Variants in METTL21A observed in about 807,000 individuals in gnomAD.
METTL21A encodes the protein methyltransferase 21A, HSPA lysine.
A neutral mutation model predicts 20.9 loss-of-function variants in METTL21A; 22 were observed. The ratio of observed to expected loss-of-function variants is 1.05; its 90% CI spans 0.75 to 1.50. METTL21A has a LOEUF of 1.50. Among genes scored for constraint, METTL21A ranks in the 40% most tolerant of loss-of-function variants. METTL21A has a pLI of 0.00. For missense variants in METTL21A, 271 were observed against 266.8 expected (o/e 1.02, Z -0.11); for synonymous variants, 93 against 102.0 (o/e 0.91, Z 0.53).
At chr2:207,622,409 G>A (rs751111753) in intron 2 of METTL21A, among the ~76,000 whole-genome samples, 26 of 152,146 alleles carry the variant, frequency 1.7e-4, no homozygotes, top group African/African-American at 5.5e-4. Flanking sequence ...GAGCTCCTGC[G>A]TCAGCTTCCC....
At chr2:207,592,451 T>A (rs1374493316) in intron 3 of METTL21A, among the ~76,000 whole-genome samples, 1 of 151,688 alleles carries the variant, frequency 6.6e-6, no homozygotes, top group Non-Finnish European at 1.5e-5. Flanking sequence ...TTTAAATGGT[T>A]TCTGACAAGA....
chr2:207,588,889 C>G (rs2084418980), intron 3 of METTL21A, among the ~76,000 whole-genome samples: 2 of 142,298 alleles, frequency 1.4e-5, no homozygotes, highest in African/African-American at 2.6e-5. Flanking sequence ...GGAGCTTTGT[C>G]GGGGGGGGTG....
rs1250974563 is a variant in METTL21A at position 207,596,840 on chromosome 2, A to G, written c.260-14680T>C. On this transcript the variant is annotated intron_variant, in intron 3 of 3. Coordinates refer to the METTL21A transcript ENST00000425132. ...GCTGTGAGCTATTTCTTTAAAAAAG[A>G]AAAAAAAAAGGTAATCCAAAATAAA... 7 of 1,332,310 alleles carry G rather than the reference A, an allele frequency of 5.3e-6. No individual in the cohort carries two copies. The African/African-American group carries it at 5.7e-5, about 11-fold the overall frequency. The allele number at this position is 1,332,310 out of a possible 1,614,324, so 82.5% of individuals were successfully genotyped here. A position where few individuals can be genotyped will look rare whatever the true frequency, so the allele number is the denominator to read the frequency against.
At chr2:207,583,770 T>G (rs1462040455) in intron 3 of METTL21A, among the ~76,000 whole-genome samples, 1 of 152,234 alleles carries the variant, frequency 6.6e-6, no homozygotes, top group Non-Finnish European at 1.5e-5. Context: ...CAATGCCATA[T>G]GGAACAATTA....
At chr2:207,587,657 G>C (rs1318440753) in intron 3 of METTL21A, among the ~76,000 whole-genome samples, 1 of 152,186 alleles carries the variant, frequency 6.6e-6, no homozygotes, top group Non-Finnish European at 1.5e-5. Flanking sequence ...GGATGAACTT[G>C]GGGGACATTA....
chr2:207,613,227 A>G (rs766450035), exon 4 of METTL21A: 15 of 1,613,596 alleles, frequency 9.3e-6, no homozygotes, highest in Non-Finnish European at 1.3e-5. Flanking sequence ...GAGATGTTCC[A>G]GTGTCTGAAG....
chr2:207,592,703 G>A (rs1436634133), intron 3 of METTL21A, among the ~76,000 whole-genome samples: 2 of 151,362 alleles, frequency 1.3e-5, no homozygotes, highest in Non-Finnish European at 3.0e-5. Context: ...GGCGGATCAC[G>A]AGGTCAGGAG....
At chr2:207,580,818 C>T (rs888196067), downstream of METTL21A, 3 of 222,528 alleles carry the variant, frequency 1.3e-5, no homozygotes, top group African/African-American at 4.5e-5. Context: ...TGTGGCTCTC[C>T]TTCATGTGCC....
At chr2:207,625,569 C>G (rs1332608064), upstream of METTL21A, 1 of 152,362 alleles carries the variant, frequency 6.6e-6, no homozygotes, top group Non-Finnish European at 1.5e-5. Flanking sequence ...GAGGGAGGCG[C>G]TGTGGGGGCG....
intron 1 of METTL21A, 143 bp from the exon 2 acceptor site, chr2:207,624,547 T>C: frequency 1.5e-6 from 1 of 657,532 alleles, no homozygotes; most frequent in Non-Finnish European, 2.4e-6. Context: ...CCAATTTCTT[T>C]TGCATGGCTC....
At chr2:207,597,466 G>T (rs1191923773) in intron 3 of METTL21A, 1 of 229,052 alleles carries the variant, frequency 4.4e-6, no homozygotes, top group Non-Finnish European at 8.6e-6. Context: ...GAAGTAATGT[G>T]TGGGCCGCAT....
At position 207,616,538 on chromosome 2, in the gene METTL21A, C is replaced by T. The variant is rs375073040; in HGVS notation, c.260-3095G>A. On this transcript the variant is annotated intron_variant, in intron 3 of 3. Transcript: ENST00000406927. The stretch of plus-strand genomic sequence containing the variant: ...TTCAAGTGAGAGATAGGCAGTAAGA[C>T]GTTTTTTAAAAAAACAGAATATCCG... Among the ~76,000 whole-genome samples, 43 of 152,280 alleles carry T rather than the reference C, an allele frequency of 2.8e-4. 1 individual carries two copies. Among genetic ancestry groups the T allele is most frequent in the African/African-American group, 8.4e-4 (35 of 41,564 alleles).
chr2:207,584,289 T>C (rs2083426468), intron 3 of METTL21A, among the ~76,000 whole-genome samples: 1 of 152,056 alleles, frequency 6.6e-6, no homozygotes, highest in African/African-American at 2.4e-5. Context: ...TGTATGAGAG[T>C]TCAGTTGCTT....
chr2:207,589,930 T>C (rs888778520), intron 3 of METTL21A, among the ~76,000 whole-genome samples: 3 of 152,270 alleles, frequency 2.0e-5, no homozygotes, highest in Non-Finnish European at 4.4e-5. Context: ...AGTTTGTTAT[T>C]AGGGTAATGC....
intron 3 of METTL21A, among the ~76,000 whole-genome samples, chr2:207,595,711 T>C (rs535737740): frequency 6.6e-6 from 1 of 152,186 alleles, no homozygotes; most frequent in South Asian, 2.1e-4. Flanking sequence ...ACTACAGGCA[T>C]GTGCCACCAC....
chr2:207,590,895 T>C (rs1041065474), intron 3 of METTL21A, among the ~76,000 whole-genome samples: 1 of 152,224 alleles, frequency 6.6e-6, no homozygotes, highest in Non-Finnish European at 1.5e-5. Flanking sequence ...TTGGTTTAGC[T>C]GTGTCCCACA....
rs924734921 is a variant in METTL21A at position 207,582,207 on chromosome 2, A to G, written c.260-47T>C. 19 of 702,774 alleles carry G rather than the reference A, an allele frequency of 2.7e-5. No individual in the cohort carries two copies. The Admixed American group carries it at 3.0e-4, about 11-fold the overall frequency. 43.5% of individuals were successfully genotyped at this position (702,774 alleles called of 1,614,324 possible). ...AAATTTGTGGTCATATGTTAAAACC[A>G]CCACAGTAATTAGGTGTATTTTAGA... On this transcript the variant is annotated intron_variant, in intron 3 of 3. Transcript: ENST00000425132.
chr2:207,606,439 G>A (rs990070571), downstream of METTL21A, among the ~76,000 whole-genome samples: 7 of 152,130 alleles, frequency 4.6e-5, no homozygotes, highest in African/African-American at 9.7e-5. Flanking sequence ...CCGAGATTGC[G>A]CCATTGCACT....
chr2:207,615,920 T>TC (rs1223412969), intron 3 of METTL21A, among the ~76,000 whole-genome samples: 1 of 152,022 alleles, frequency 6.6e-6, no homozygotes, highest in African/African-American at 2.4e-5. Context: ...TTGTTTTTTT[T>TC]TTCCCAAACA....
Sources: allele counts gnomAD v4.1 joint callset (sites outside exome capture counted in the v4.1 genomes callset), GRCh38; gene constraint gnomAD v4.1.1; transcripts MANE v1.5; gene names NCBI Gene and HGNC (gene_info 2026-07-23, HGNC 2026-07-21).